The following CCDC77 variants were observed in gnomAD, a reference collection of about 807,000 sequenced individuals.
The protein encoded by CCDC77 is coiled-coil domain containing 77, also known as coiled-coil domain-containing protein 77.
CCDC77 carries 56 observed loss-of-function variants against 66.8 expected under a neutral mutation model. The ratio of observed to expected loss-of-function variants is 0.84; its 90% CI spans 0.68 to 1.05. CCDC77 has a LOEUF of 1.05. Among genes scored for constraint, CCDC77 ranks in the 50% least tolerant of loss-of-function variants. The probability of loss-of-function intolerance (pLI) is 0.00; values close to 1 mark genes in which losing one functional copy is unlikely to be tolerated. For synonymous variants in CCDC77, 196 were observed against 195.2 expected, an observed-to-expected ratio of 1.00 and a Z score of -0.03; for missense variants, 570 against 576.8, an observed-to-expected ratio of 0.99 and a Z score of 0.12.
chr12:402,369 A>T (rs1295519241), intron 1 of CCDC77, among the ~76,000 whole-genome samples: 1 of 152,198 alleles, frequency 6.6e-6, no homozygotes, highest in East Asian at 1.9e-4. Flanking sequence ...CACTTAGATC[A>T]TTTTTGCTAA....
intron 12 of CCDC77, among the ~76,000 whole-genome samples, chr12:441,338 C>G (rs1945854724): frequency 6.6e-6 from 1 of 152,148 alleles, no homozygotes; most frequent in Admixed American, 6.6e-5. Context: ...AGACACAGTT[C>G]TTTAGAATAC....
chr12:391,746 A>T (rs890811315), intron 1 of CCDC77, among the ~76,000 whole-genome samples: 18 of 152,204 alleles, frequency 1.2e-4, no homozygotes, highest in Non-Finnish European at 2.2e-4. Flanking sequence ...CTGTCTCTCT[A>T]GTAGAATAGA....
At chr12:408,176 G>A (rs753658456) in intron 2 of CCDC77, among the ~76,000 whole-genome samples, 1 of 152,114 alleles carries the variant, frequency 6.6e-6, no homozygotes, top group Non-Finnish European at 1.5e-5. Context: ...TGGATTGACA[G>A]CGAATGCTTG....
intron 4 of CCDC77, among the ~76,000 whole-genome samples, chr12:412,412 CTG>C (rs1224979979): frequency 6.6e-6 from 1 of 152,266 alleles, no homozygotes; most frequent in Non-Finnish European, 1.5e-5. Context: ...ATAGCAAAAA[CTG>C]AGCTGTGGCA....
Position 438,966 on chromosome 12 carries a change from T to C in CCDC77, c.1041+412T>C, listed in dbSNP as rs139536577. On this transcript the variant is annotated intron_variant, in intron 10 of 12. Transcript: ENST00000239830. ...GATGGTGGGTGCCTGTAATCCCAGC[T>C]ACTTGGGAGGCTGAGGCAGGAGAAT... Among the ~76,000 whole-genome samples the C allele has an allele frequency of 5.3e-4, 79 of 149,906 alleles. No individual in the cohort carries two copies. The East Asian group carries it at 0.012, about 22-fold the overall frequency.
chr12:427,812 A>G (rs548620135), intron 5 of CCDC77, among the ~76,000 whole-genome samples: 18 of 152,222 alleles, frequency 1.2e-4, no homozygotes, highest in Middle Eastern at 3.4e-3. Context: ...GGCCCAGTCC[A>G]GACCTAAGCT....
rs567048150 is a variant in CCDC77, at chr12:428,604, G to T, written c.414-165G>T. On this transcript the variant is annotated intron_variant, in intron 5 of 12. Transcript: ENST00000239830. ...AATACCTGATGTTTTACGAAGTAGA[G>T]CTGAAGTCTAGATACAAACTATTCA... 2.7e-3 allele frequency among the ~76,000 whole-genome samples: 412 copies of T among 151,200 alleles called. 2 individuals carry two copies. The highest frequency in any genetic ancestry group is 6.9e-3 in the Middle Eastern group (2 of 288).
In CCDC77 at chr12:434,162, TA is replaced by T. The variant is rs35839353; in HGVS notation, c.821+850del. Among the ~76,000 whole-genome samples, 554 of 147,256 alleles carry T rather than the reference TA, an allele frequency of 3.8e-3. 12 individuals carry two copies. The East Asian group carries it at 0.067, about 18-fold the overall frequency. On this transcript the variant is annotated intron_variant, in intron 9 of 12. Transcript: ENST00000239830. ...TTAGTTTCCTATAATGCACATACTT[TA>T]AAAAAAAAAGGTTATTTTTAAAATC...
intron 10 of CCDC77, among the ~76,000 whole-genome samples, chr12:439,018 C>G (rs1042054633): frequency 6.6e-6 from 1 of 151,798 alleles, no homozygotes; most frequent in Non-Finnish European, 1.5e-5. Flanking sequence ...GCAGAAGTTG[C>G]AGTCAGCCGA....
chr12:414,668 T>G (rs897834029), intron 4 of CCDC77, among the ~76,000 whole-genome samples: 3 of 152,170 alleles, frequency 2.0e-5, no homozygotes, highest in African/African-American at 7.2e-5. Flanking sequence ...CCTCCGTTTC[T>G]CATGCCTTAA....
At chr12:441,055 G>A in intron 12 of CCDC77, 59 bp downstream of exon 12, 6 of 1,551,132 alleles carry the variant, frequency 3.9e-6, no homozygotes, top group East Asian at 2.2e-5. Flanking sequence ...AGGGAACATG[G>A]TCACGAGGGC....
At chr12:423,126 T>TC in intron 5 of CCDC77, among the ~76,000 whole-genome samples, 1 of 86,130 alleles carries the variant, frequency 1.2e-5, no homozygotes, top group Middle Eastern at 5.1e-3. Flanking sequence ...TTTTTTTTTT[T>TC]TTTTTTTTTT....
At chr12:430,505 A>G (rs572454413) in intron 6 of CCDC77, among the ~76,000 whole-genome samples, 159 bp from the exon 7 acceptor site, 1 of 152,146 alleles carries the variant, frequency 6.6e-6, no homozygotes, top group African/African-American at 2.4e-5. Context: ...CCAGTTTGCT[A>G]CTTTGCCTGT....
Position 442,070 on chromosome 12 carries a change from C to T in CCDC77, c.*150C>T, listed in dbSNP as rs1945867843. ...AGACAGCTTGAAGAATCGGGGACCACTAGGAAAGCTTTTCTTGCATACTCA... is the reference window on the plus strand; with the variant it reads ...AGACAGCTTGAAGAATCGGGGACCATTAGGAAAGCTTTTCTTGCATACTCA... On this transcript the variant is annotated 3_prime_UTR_variant, in exon 13 of 13. Transcript: ENST00000239830. 1.2e-5 allele frequency: 10 copies of T among 805,838 alleles called. No individual in the cohort carries two copies. In the South Asian group the frequency reaches 1.8e-4, roughly 14 times the overall value. 49.9% of individuals were successfully genotyped at this position (805,838 alleles called of 1,614,324 possible).
At position 433,174 on chromosome 12, in the gene CCDC77, G is replaced by A. The variant is rs781535114; in HGVS notation, c.673G>A (p.Val225Met). 2.5e-5 allele frequency: 41 copies of A among 1,613,290 alleles called. No individual in the cohort carries two copies. In the Middle Eastern group the frequency reaches 8.2e-4, roughly 32 times the overall value. The change falls in exon 9 of 13, where the codon GTG becomes ATG. Residue 225 changes from valine to methionine, a missense_variant and splice_region_variant. By Grantham distance (21) the Val-to-Met change is conservative. Transcript: ENST00000239830. ...CCTCACCCCTTTTTGGCCTGTCTAG[G>A]TGGAAGCACTGCAGGCTCAGCTGGG... is the stretch of plus-strand genomic sequence containing the variant. ...QRDIQTLILQVEALQAQLGEQ... is the reference protein window; with the variant it reads ...QRDIQTLILQMEALQAQLGEQ...
chr12:416,396 T>C (rs191578624), intron 4 of CCDC77, among the ~76,000 whole-genome samples: 5,314 of 55,786 alleles, frequency 0.095, 834 homozygotes, highest in African/African-American at 0.19. Context: ...TATATATATA[T>C]ATATATATAT....
chr12:406,380 A>G (rs985018191), intron 2 of CCDC77, among the ~76,000 whole-genome samples: 2 of 152,216 alleles, frequency 1.3e-5, no homozygotes, highest in Non-Finnish European at 2.9e-5. Context: ...AACTGTAGGT[A>G]CGGGGACTCT....
chr12:404,648 C>T (rs1591959695), intron 1 of CCDC77, among the ~76,000 whole-genome samples: 1 of 151,558 alleles, frequency 6.6e-6, no homozygotes, highest in Non-Finnish European at 1.5e-5. Context: ...ACATGTGCAA[C>T]AGTGAGGACA....
Position 440,484 on chromosome 12 carries a change from T to A in CCDC77, c.1042-133T>A, listed in dbSNP as rs1945837967. On this transcript the variant is annotated intron_variant, in intron 10 of 12. Coordinates refer to ENST00000239830, the MANE Select transcript of CCDC77 (RefSeq NM_032358.4). ...TTTTCAGATGTTCCTCAAAGTTCCT[T>A]GTCATCTGGTTCCTTAACTCATTTT... is the stretch of plus-strand genomic sequence containing the variant. 3 of 964,156 alleles carry A rather than the reference T, an allele frequency of 3.1e-6. No individual in the cohort carries two copies. In the African/African-American group the frequency reaches 4.9e-5, roughly 16 times the overall value. The allele number at this position is 964,156 out of a possible 1,614,324, so 59.7% of individuals were successfully genotyped here. A position where few individuals can be genotyped will look rare whatever the true frequency, so the allele number is the denominator to read the frequency against.
Sources: gnomAD v4.1 joint callset for allele counts (sites outside exome capture counted in the v4.1 genomes callset) on GRCh38, gnomAD v4.1.1 for gene constraint, MANE v1.5 for transcripts, NCBI Gene and HGNC (gene_info 2026-07-23, HGNC 2026-07-21) for gene names.